LIMK1: variants seen among roughly 807,000 people sequenced by gnomAD.
LIMK1 encodes LIM domain kinase 1, also known as LIM motif-containing protein kinase.
In LIMK1, 21 loss-of-function variants were observed where a neutral mutation model predicts 77.6. That is an observed-to-expected ratio of 0.27 (90% CI 0.19 to 0.39). The LOEUF is 0.39. Among genes scored for constraint, LIMK1 ranks in the 10% least tolerant of loss-of-function variants. The pLI is 1.00. For synonymous variants in LIMK1, 358 were observed against 370.0 expected, an observed-to-expected ratio of 0.97 and a Z score of 0.37; for missense variants, 696 against 901.6, an observed-to-expected ratio of 0.77 and a Z score of 2.92.
In LIMK1 at chr7:74,088,105, C is replaced by T. The variant is rs192806170; in HGVS notation, c.152+2261C>T. 4.4e-4 allele frequency among the ~76,000 whole-genome samples: 67 copies of T among 152,246 alleles called. No individual in the cohort carries two copies. The East Asian group carries it at 9.1e-3, about 21-fold the overall frequency. On this transcript the variant is annotated intron_variant, in intron 2 of 15. Transcript: ENST00000336180. The stretch of plus-strand genomic sequence containing the variant: ...TTTCTTTTTTAGGAATAACGTCTAA[C>T]GTTTTCTAACATTCAGTAAGGGACA...
intron 2 of LIMK1, among the ~76,000 whole-genome samples, chr7:74,087,496 A>G (rs1231886579): frequency 1.3e-5 from 2 of 152,240 alleles, no homozygotes; most frequent in African/African-American, 4.8e-5. Flanking sequence ...AGAAAACTCC[A>G]TAAAAGGGTA....
rs1554698714 is a variant in LIMK1, at chr7:74,111,944, C to T, written c.1356C>T (p.His452=). The change falls in exon 12 of 16, where the codon CAC becomes CAT. Residue 452 remains histidine, a synonymous_variant. Transcript: ENST00000336180. ...KDIASGMAYL[H]SMNIIHRDLN... ...GTCCCCGTCCCTAGGCCTACCTCCA[C>T]TCCATGAACATCATCCACCGAGACC... 4 of 1,608,126 alleles carry T rather than the reference C, an allele frequency of 2.5e-6. No homozygotes were observed. Among genetic ancestry groups the T allele is most frequent in the Non-Finnish European group, 1.7e-6 (2 of 1,177,752 alleles).
intron 1 of LIMK1, among the ~76,000 whole-genome samples, chr7:74,085,439 C>G (rs2115605582): frequency 6.6e-6 from 1 of 152,350 alleles, no homozygotes; most frequent in Non-Finnish European, 1.5e-5. Flanking sequence ...CCACTGCTTC[C>G]TTTCTCCTCA....
In LIMK1 at chr7:74,111,722, T is replaced by A. The variant is rs782336906; in HGVS notation, c.1344+15T>A. The A allele has an allele frequency of 1.9e-6, 3 of 1,610,152 alleles. No individual in the cohort carries two copies. In the East Asian group the frequency reaches 6.7e-5, roughly 36 times the overall value. ...CATCAGGGATGGTGAGTGAGCCGGG[T>A]GCTCTAGCTCCATTCATAATCCCAC... On this transcript the variant is annotated intron_variant, in intron 11 of 15. Coordinates refer to ENST00000336180, the MANE Select transcript of LIMK1 (RefSeq NM_002314.4).
rs1199604111 is a variant in LIMK1, at chr7:74,083,911, G to C, written c.-80G>C. 7.0e-5 allele frequency: 16 copies of C among 227,264 alleles called. No individual in the cohort carries two copies. The highest frequency in any genetic ancestry group is 1.1e-4 in the Non-Finnish European group (15 of 134,284). The allele number at this position is 227,264 out of a possible 1,614,324, so 14.1% of individuals were successfully genotyped here. A position where few individuals can be genotyped will look rare whatever the true frequency, so the allele number is the denominator to read the frequency against. On this transcript the variant is annotated 5_prime_UTR_variant, in exon 1 of 16. Transcript: ENST00000336180. ...CCGCGCCCTCCGCCCCCGCCTCCCC[G>C]GGCCGGCGGCGGTGGGCGAGCTCGC...
chr7:74,089,902 G>C (rs1554694550), intron 2 of LIMK1, among the ~76,000 whole-genome samples: 1 of 152,102 alleles, frequency 6.6e-6, no homozygotes, highest in African/African-American at 2.4e-5. Flanking sequence ...TGGAGCCTTG[G>C]GTGATGGAGA....
chr7:74,088,390 C>G (rs909229615), intron 2 of LIMK1, among the ~76,000 whole-genome samples: 1 of 152,074 alleles, frequency 6.6e-6, no homozygotes, highest in Non-Finnish European at 1.5e-5. Context: ...TGGGATGGTG[C>G]GGACTGCTGA....
chr7:74,112,525 C>T (rs1799722052), intron 12 of LIMK1, among the ~76,000 whole-genome samples: 1 of 151,830 alleles, frequency 6.6e-6, no homozygotes, highest in Non-Finnish European at 1.5e-5. Context: ...TCGAGACCGT[C>T]CTGGCTAACA....
At chr7:74,095,889 T>A (rs782794903) in intron 2 of LIMK1, among the ~76,000 whole-genome samples, 2 of 151,812 alleles carry the variant, frequency 1.3e-5, no homozygotes, top group Non-Finnish European at 2.9e-5. Flanking sequence ...GCCTCCTTGG[T>A]AGCCTCTAGT....
intron 2 of LIMK1, among the ~76,000 whole-genome samples, chr7:74,089,129 CAG>C (rs1278408411): frequency 2.0e-5 from 3 of 152,192 alleles, no homozygotes; most frequent in African/African-American, 7.2e-5. Flanking sequence ...ATGGGAGAAA[CAG>C]AGATTCCATG....
intron 2 of LIMK1, among the ~76,000 whole-genome samples, chr7:74,087,272 C>T (rs1333827789): frequency 1.3e-5 from 2 of 151,992 alleles, no homozygotes; most frequent in African/African-American, 2.4e-5. Context: ...GGCGTGGTGG[C>T]GCATGCCTGT....
chr7:74,115,509 G>A, intron 12 of LIMK1: 1 of 369,764 alleles, frequency 2.7e-6, no homozygotes, highest in South Asian at 5.2e-5. Flanking sequence ...CTTGCAGGAG[G>A]GAGCAGTGGG....
intron 2 of LIMK1, among the ~76,000 whole-genome samples, chr7:74,094,608 C>T (rs150078681): frequency 3.9e-5 from 6 of 152,294 alleles, no homozygotes; most frequent in African/African-American, 9.6e-5. Flanking sequence ...GGGGCTTCTG[C>T]GAGGGCAGGA....
At chr7:74,090,709 G>A (rs1466890983) in intron 2 of LIMK1, among the ~76,000 whole-genome samples, 3 of 152,208 alleles carry the variant, frequency 2.0e-5, no homozygotes, top group Non-Finnish European at 4.4e-5. Flanking sequence ...TGTTCGGGCA[G>A]GGGCAATGTG....
chr7:74,085,713 T>C (rs1238980669), intron 1 of LIMK1, 35 bp from the exon 2 acceptor site: 2 of 1,526,274 alleles, frequency 1.3e-6, no homozygotes, highest in Non-Finnish European at 1.8e-6. Context: ...TCACACTTCC[T>C]GAGAATGCTT....
chr7:74,098,999 A>G (rs781923687), intron 4 of LIMK1, 33 bp from the exon 5 acceptor site: 8 of 1,564,548 alleles, frequency 5.1e-6, no homozygotes, highest in African/African-American at 1.4e-5. Flanking sequence ...CGCCCTTGAC[A>G]CTCTTTTCTT....
chr7:74,096,581 A>G (rs1554695625), intron 2 of LIMK1, 41 bp from the exon 3 acceptor site: 1 of 1,612,340 alleles, frequency 6.2e-7, no homozygotes, highest in South Asian at 1.1e-5. Context: ...GAGGTGGAGG[A>G]GGGCGGGAGT....
chr7:74,088,677 C>T (rs1799181535), intron 2 of LIMK1, among the ~76,000 whole-genome samples: 1 of 151,684 alleles, frequency 6.6e-6, no homozygotes, highest in Non-Finnish European at 1.5e-5. Context: ...TGGCACATGA[C>T]TGTAATCCAA....
intron 1 of LIMK1, 145 bp from the exon 2 acceptor site, chr7:74,085,603 G>T (rs182744668): frequency 1.4e-6 from 1 of 701,364 alleles, no homozygotes; most frequent in Non-Finnish European, 2.5e-6. Flanking sequence ...ATTTGGCACA[G>T]CGACTGCCCT....
Sources: allele counts gnomAD v4.1 joint callset (sites outside exome capture counted in the v4.1 genomes callset), GRCh38; gene constraint gnomAD v4.1.1; transcripts MANE v1.5; gene names NCBI Gene and HGNC (gene_info 2026-07-23, HGNC 2026-07-21).